PRELP: variants seen among roughly 807,000 people sequenced by gnomAD.
PRELP encodes prolargin.
In PRELP, 16 loss-of-function variants were observed where a neutral mutation model predicts 22.8. That is an observed-to-expected ratio of 0.70 (90% confidence interval 0.47 to 1.06). The LOEUF (loss-of-function observed/expected upper bound fraction) is 1.06. PRELP is among the 50% of genes least tolerant of loss of function. The pLI is 0.00. For missense variants in PRELP, 434 were observed against 485.2 expected, an observed-to-expected ratio of 0.89 and a Z score of 0.99; for synonymous variants, 233 against 211.4, an observed-to-expected ratio of 1.10 and a Z score of -0.89.
At chr1:203,477,377 T>G (rs1167434967) in intron 1 of PRELP, among the ~76,000 whole-genome samples, 1 of 152,188 alleles carries the variant, frequency 6.6e-6, no homozygotes, top group Non-Finnish European at 1.5e-5. Context: ...CACCTCTTTT[T>G]TGGGGAGTGG....
At chr1:203,479,469 G>A (rs1660961818) in intron 1 of PRELP, among the ~76,000 whole-genome samples, 1 of 152,130 alleles carries the variant, frequency 6.6e-6, no homozygotes, top group Non-Finnish European at 1.5e-5. Flanking sequence ...TTGGGAGACT[G>A]AGGAGGACAG....
rs1661051667 is a variant in PRELP at position 203,483,857 on chromosome 1, C to T, written c.673C>T (p.Gln225Ter). 1 of 1,614,066 alleles carries T rather than the reference C, an allele frequency of 6.2e-7. No individual in the cohort carries two copies. Among genetic ancestry groups the T allele is most frequent in the Non-Finnish European group, 8.5e-7 (1 of 1,180,004 alleles). ...DTFHGLKNLMQLNLAHNILRK... is the reference protein window; with the variant it reads ...DTFHGLKNLM Reference sequence around the variant, plus strand: ...CTTCCATGGCCTCAAGAACCTCATGCAGCTCAACCTGGCCCACAACATCCT... The same window carrying T: ...CTTCCATGGCCTCAAGAACCTCATGTAGCTCAACCTGGCCCACAACATCCT... The change falls in exon 2 of 3, where the codon CAG becomes TAG. Residue 225 changes from glutamine to a stop codon, truncating the protein, a stop_gained. Coordinates refer to ENST00000343110, the MANE Select transcript of PRELP (RefSeq NM_002725.4). LOFTEE classifies it high-confidence loss of function. This position sits in a 1 kb window ranked among gnomAD's most constrained non-coding sequence, Gnocchi z 4.4.
rs758288741 is a variant in PRELP, at chr1:203,483,746, C to T, written c.562C>T (p.Pro188Ser). 1.2e-6 allele frequency: 2 copies of T among 1,614,218 alleles called. No individual in the cohort carries two copies. Among genetic ancestry groups the T allele is most frequent in the Non-Finnish European group, 1.7e-6 (2 of 1,180,036 alleles). ...CCAGAACCACATCTCCAGAATCCCG[C>T]CTGGTGTCTTCAGCAAGCTGGAGAA... ...LSQNHISRIP[P>S]GVFSKLENLL... is the part of the protein sequence containing the mutation. Residue 188 changes from proline (P) to serine (S), a missense_variant, in exon 2 of 3, where the codon CCT (proline) becomes TCT (serine). Pro to Ser is a moderately conservative substitution (Grantham distance 74). Coordinates refer to ENST00000343110, the MANE Select transcript of PRELP (RefSeq NM_002725.4). The surrounding 1 kb of genome is among the most constrained non-coding windows in gnomAD (Gnocchi z 4.4).
intron 1 of PRELP, among the ~76,000 whole-genome samples, chr1:203,479,429 G>A (rs975866360): frequency 6.6e-6 from 1 of 152,108 alleles, no homozygotes; most frequent in African/African-American, 2.4e-5. Context: ...TCCTTGGGGC[G>A]CTGTGGCTCA....
intron 2 of PRELP, among the ~76,000 whole-genome samples, chr1:203,485,694 G>T (rs1360716903): frequency 1.3e-5 from 2 of 152,180 alleles, no homozygotes; most frequent in East Asian, 3.9e-4. Context: ...TGGCAAAGAA[G>T]AAAGACGAGG....
rs1314744972 is a variant in PRELP at position 203,486,719 on chromosome 1, C to T, written c.987C>T (p.Thr329=). 2 of 1,610,758 alleles carry T rather than the reference C, an allele frequency of 1.2e-6. No individual in the cohort carries two copies. The highest frequency in any genetic ancestry group is 2.2e-5 in the South Asian group (2 of 91,000). ...NNNSIEKING[T]QICPNDLVAF... Reference sequence around the variant, plus strand: ...CTTTTTCCGTAGAAATCAACGGAACCCAGATTTGCCCCAACGACCTAGTGG... The same window carrying T: ...CTTTTTCCGTAGAAATCAACGGAACTCAGATTTGCCCCAACGACCTAGTGG... Residue 329 remains threonine (T), a synonymous_variant, in exon 3 of 3, where the codon ACC becomes ACT. Coordinates refer to ENST00000343110, the MANE Select transcript of PRELP (RefSeq NM_002725.4).
chr1:203,482,900 A>G (rs1389078744), intron 1 of PRELP, among the ~76,000 whole-genome samples: 1 of 151,952 alleles, frequency 6.6e-6, no homozygotes, highest in African/African-American at 2.4e-5. Context: ...CTGGCCACCA[A>G]TGTGCTTTCT....
In PRELP at chr1:203,487,760, G is replaced by T. The variant is rs1170123811; in HGVS notation, c.*879G>T. 1.0e-5 allele frequency: 1 copy of T among 100,256 alleles called. No individual in the cohort carries two copies. Among genetic ancestry groups the T allele is most frequent in the African/African-American group, 4.7e-5 (1 of 21,182 alleles). The allele number at this position is 100,256 out of a possible 1,614,324, so 6.2% of individuals were successfully genotyped here. A position where few individuals can be genotyped will look rare whatever the true frequency, so the allele number is the denominator to read the frequency against. On this transcript the variant is annotated 3_prime_UTR_variant, in exon 3 of 3. Transcript: ENST00000343110. ...GTTTTTGTGGGGGCGGGGGAAGGAA[G>T]AGGCAGCCCCGCCCCCGCCATCTGT...
chr1:203,487,076 C>G lies in PRELP; in HGVS notation c.*195C>G. Reference sequence around the variant, plus strand: ...AGACTTCAAGGACTCAGTTTGGTTCCACCCAGTTGAAAGACACCCAGTGCA... The same window carrying G: ...AGACTTCAAGGACTCAGTTTGGTTCGACCCAGTTGAAAGACACCCAGTGCA... On this transcript the variant is annotated 3_prime_UTR_variant, in exon 3 of 3. Coordinates refer to ENST00000343110, the MANE Select transcript of PRELP (RefSeq NM_002725.4). 1.6e-6 allele frequency: 1 copy of G among 640,848 alleles called. No homozygotes were observed. Among genetic ancestry groups the G allele is most frequent in the South Asian group, 2.4e-5 (1 of 42,422 alleles). 39.7% of individuals were successfully genotyped at this position (640,848 alleles called of 1,614,324 possible). A position where few individuals can be genotyped will look rare whatever the true frequency, so the allele number is the denominator to read the frequency against.
At chr1:203,482,839 T>G (rs933073742) in intron 1 of PRELP, among the ~76,000 whole-genome samples, 3 of 151,232 alleles carry the variant, frequency 2.0e-5, no homozygotes, top group Admixed American at 2.0e-4. Context: ...CCTCATGATC[T>G]GCCCACCTTG....
rs1210193150 is a variant in PRELP, at chr1:203,491,253, T to A, written c.*4372T>A. ...TGTAATTTTCCATTACCTACCCACA[T>A]CTTATAAAATGGCCCCATCCCTATC... On this transcript the variant is annotated 3_prime_UTR_variant, in exon 3 of 3. Coordinates refer to ENST00000343110, the MANE Select transcript of PRELP (RefSeq NM_002725.4). The surrounding 1 kb of genome is among the most constrained non-coding windows in gnomAD (Gnocchi z 4.4). The A allele has an allele frequency of 5.3e-5, 8 of 151,334 alleles. No individual in the cohort carries two copies. Among genetic ancestry groups the A allele is most frequent in the Admixed American group, 4.6e-4 (7 of 15,220 alleles). The allele number at this position is 151,334 out of a possible 1,614,324, so 9.4% of individuals were successfully genotyped here. A position where few individuals can be genotyped will look rare whatever the true frequency, so the allele number is the denominator to read the frequency against.
Position 203,483,281 on chromosome 1 carries a change from G to T in PRELP, c.97G>T (p.Gly33Trp), listed in dbSNP as rs41313926. ...ACGACCAAGACCCGGGACTGGGCCC[G>T]GGCGCAGACCCAGGCCCAGGCCCAG... The part of the protein sequence containing the change: ...TRRPRPGTGP[G>W]RRPRPRPRPT... Residue 33 changes from glycine to tryptophan, a missense_variant, in exon 2 of 3, where the codon GGG becomes TGG. Physicochemically the swap from Gly to Trp is radical, Grantham distance 184. Transcript: ENST00000343110. This position sits in a 1 kb window ranked among gnomAD's most constrained non-coding sequence, Gnocchi z 4.4. 6.2e-7 allele frequency: 1 copy of T among 1,613,132 alleles called. No individual in the cohort carries two copies.
At chr1:203,478,147 A>T (rs1444554167) in intron 1 of PRELP, among the ~76,000 whole-genome samples, 1 of 152,230 alleles carries the variant, frequency 6.6e-6, no homozygotes, top group African/African-American at 2.4e-5. Context: ...CTCAAAACAG[A>T]AAAGAAGGTG....
chr1:203,486,927 G>A lies in PRELP; in HGVS notation c.*46G>A, dbSNP rs777047031. ...CTGCTCTGACCGCACTTGAAGGCTG[G>A]GGCCCAGGCACCTGTGCCGGCCATT... On this transcript the variant is annotated 3_prime_UTR_variant, in exon 3 of 3. Transcript: ENST00000343110. 2 of 1,537,748 alleles carry A rather than the reference G, an allele frequency of 1.3e-6. No homozygotes were observed. Among genetic ancestry groups the A allele is most frequent in the Non-Finnish European group, 1.8e-6 (2 of 1,130,970 alleles).
chr1:203,479,355 G>A (rs951773496), intron 1 of PRELP, among the ~76,000 whole-genome samples: 1 of 152,042 alleles, frequency 6.6e-6, no homozygotes, highest in African/African-American at 2.4e-5. Flanking sequence ...CCACTCCTGG[G>A]TTTTAACATT....
intron 2 of PRELP, among the ~76,000 whole-genome samples, chr1:203,485,150 T>C (rs1275373702): frequency 2.8e-5 from 4 of 142,992 alleles, no homozygotes; most frequent in Admixed American, 7.1e-5. Flanking sequence ...TAGGGGAGGA[T>C]TTTTTTTTTA....
rs1661130432 is a variant in PRELP, at chr1:203,488,157, C to G, written c.*1276C>G. 1 of 152,210 alleles carries G rather than the reference C, an allele frequency of 6.6e-6. No individual in the cohort carries two copies. The highest frequency in any genetic ancestry group is 2.1e-4 in the South Asian group (1 of 4,834). 9.4% of individuals were successfully genotyped at this position (152,210 alleles called of 1,614,324 possible). ...GCCCAGGTGAGGACATAGTCGGCTC[C>G]CGTTTGTTGTAGGCCCTTCCCAGGT... On this transcript the variant is annotated 3_prime_UTR_variant, in exon 3 of 3. Coordinates refer to ENST00000343110, the MANE Select transcript of PRELP (RefSeq NM_002725.4).
chr1:203,476,175 T>G (rs757913986), intron 1 of PRELP, among the ~76,000 whole-genome samples: 1 of 152,238 alleles, frequency 6.6e-6, no homozygotes, highest in Non-Finnish European at 1.5e-5. Flanking sequence ...AGTTAAGCTT[T>G]CCTGCTGCAG....
intron 1 of PRELP, among the ~76,000 whole-genome samples, chr1:203,480,924 G>A (rs1201673450): frequency 6.6e-6 from 1 of 152,244 alleles, no homozygotes. Context: ...CGCACAGCCA[G>A]CCTGCTGGGT....
Sources: allele counts gnomAD v4.1 joint callset (sites outside exome capture counted in the v4.1 genomes callset), GRCh38; gene constraint gnomAD v4.1.1; non-coding constraint Gnocchi (gnomAD v3.1); transcripts MANE v1.5; gene names NCBI Gene and HGNC (gene_info 2026-07-23, HGNC 2026-07-21).